Variants in PTPRD observed in about 807,000 individuals in gnomAD.
PTPRD encodes the protein protein tyrosine phosphatase receptor type D, also known as receptor-type tyrosine-protein phosphatase delta.
Under a neutral mutation model 214.5 loss-of-function variants are expected in PTPRD, and 34 were observed. That is an observed-to-expected ratio of 0.16 (90% confidence interval 0.12 to 0.21). The LOEUF is 0.21. Among genes scored for constraint, PTPRD ranks in the 10% least tolerant of loss-of-function variants. The pLI, the probability that PTPRD is intolerant of heterozygous loss-of-function variation, is 1.00. For missense variants in PTPRD, 2,545 were observed against 2,398.7 expected (o/e 1.06, Z -1.27); for synonymous variants, 1,128 against 845.7 (o/e 1.33, Z -5.79).
At position 8,465,467 on chromosome 9, in the gene PTPRD, G is replaced by A; in HGVS notation, c.3713C>T (p.Ser1238Phe). The A allele has an allele frequency of 6.2e-7, 1 of 1,611,250 alleles. No homozygotes were observed. Among genetic ancestry groups the A allele is most frequent in the Non-Finnish European group, 8.5e-7 (1 of 1,178,090 alleles). ...FVLAVMEHAE[S>F]KMYATSPYSD... ...CAGATGCCATCATAATTAACTTACA[G>A]ACTCTGCATGTTCCATTACTGCTAA... is the stretch of plus-strand genomic sequence containing the variant. The change falls in exon 32 of 46, where the codon TCT (serine) becomes TTT (phenylalanine). Residue 1238 changes from serine (S) to phenylalanine (F), a missense_variant and splice_region_variant. Transcript: ENST00000381196.
chr9:9,177,738 AAATCAGCTT>A (rs2099925778), intron 10 of PTPRD, among the ~76,000 whole-genome samples: 2 of 152,158 alleles, frequency 1.3e-5, no homozygotes, highest in African/African-American at 4.8e-5. Flanking sequence ...ATCAATTTAA[AAATCAGCTT>A]AAGAGGCCGC....
chr9:8,388,473 G>T (rs1313026703), intron 37 of PTPRD, among the ~76,000 whole-genome samples: 1 of 152,086 alleles, frequency 6.6e-6, no homozygotes, highest in Non-Finnish European at 1.5e-5. Flanking sequence ...AAGGTTAAAG[G>T]TTGATTTTCT....
chr9:10,409,266 T>C (rs2098409673), intron 2 of PTPRD, among the ~76,000 whole-genome samples: 2 of 151,750 alleles, frequency 1.3e-5, no homozygotes, highest in African/African-American at 4.8e-5. Context: ...TAGAAAACTC[T>C]CCTGATAAAT....
At chr9:10,421,071 T>C (rs1178882197) in intron 2 of PTPRD, among the ~76,000 whole-genome samples, 1 of 151,784 alleles carries the variant, frequency 6.6e-6, no homozygotes, top group Non-Finnish European at 1.5e-5. Flanking sequence ...CTGATTAGCT[T>C]AAAAAAAGAA....
intron 12 of PTPRD, among the ~76,000 whole-genome samples, chr9:8,669,137 G>C (rs545096241): frequency 4.6e-5 from 7 of 152,232 alleles, no homozygotes; most frequent in African/African-American, 1.2e-4. Flanking sequence ...CAGAAGATTA[G>C]GGATGCATGT....
rs534237160 is a variant in PTPRD at position 9,114,303 on chromosome 9, A to G, written c.-143+69001T>C. Among the ~76,000 whole-genome samples the G allele has an allele frequency of 4.7e-4, 72 of 152,144 alleles. 1 individual carries two copies. Among genetic ancestry groups the G allele is most frequent in the Non-Finnish European group, 8.8e-4 (60 of 68,012 alleles). ...TATGTCTGTGTATGTATCCTGTTAT[A>G]TCTCCATAATGAAACAATGAATGTG... On this transcript the variant is annotated intron_variant, in intron 10 of 45. Coordinates refer to ENST00000381196, the MANE Select transcript of PTPRD (RefSeq NM_002839.4).
At chr9:9,302,604 T>TC (rs1014855312) in intron 9 of PTPRD, among the ~76,000 whole-genome samples, 15 of 118,766 alleles carry the variant, frequency 1.3e-4, no homozygotes, top group Admixed American at 8.1e-5. Context: ...TTTTTTTCTT[T>TC]TTTTTTTTTT....
chr9:9,569,578 T>C (rs2085710956), intron 8 of PTPRD, among the ~76,000 whole-genome samples: 2 of 151,662 alleles, frequency 1.3e-5, no homozygotes, highest in Admixed American at 6.6e-5. Flanking sequence ...CACTTCGTTA[T>C]CAACAAGTCA....
At chr9:10,276,353 G>C (rs1487378241) in intron 3 of PTPRD, among the ~76,000 whole-genome samples, 1 of 152,082 alleles carries the variant, frequency 6.6e-6, no homozygotes, top group Non-Finnish European at 1.5e-5. Flanking sequence ...TTGCCCCCAA[G>C]GACAATGCAA....
At chr9:9,417,620 A>G (rs2077380278) in intron 8 of PTPRD, among the ~76,000 whole-genome samples, 1 of 152,116 alleles carries the variant, frequency 6.6e-6, no homozygotes, top group Non-Finnish European at 1.5e-5. Context: ...GAGTTAAAAA[A>G]TTATAGTCAC....
chr9:9,054,233 A>C (rs753896766), intron 10 of PTPRD, among the ~76,000 whole-genome samples: 1 of 152,174 alleles, frequency 6.6e-6, no homozygotes, highest in Admixed American at 6.5e-5. Context: ...CAGAATAGTT[A>C]AATCACATTC....
intron 3 of PTPRD, among the ~76,000 whole-genome samples, chr9:10,172,969 A>G (rs944547126): frequency 3.9e-5 from 6 of 152,216 alleles, no homozygotes; most frequent in African/African-American, 1.2e-4. Context: ...ACAAGGTTCT[A>G]TTGTCACATA....
At chr9:8,479,035 G>A (rs2096826605) in intron 30 of PTPRD, among the ~76,000 whole-genome samples, 1 of 152,126 alleles carries the variant, frequency 6.6e-6, no homozygotes. Flanking sequence ...CACCGTTCTG[G>A]AATGAGTTCT....
At chr9:8,580,025 A>G (rs1286030481) in intron 14 of PTPRD, among the ~76,000 whole-genome samples, 2 of 152,238 alleles carry the variant, frequency 1.3e-5, no homozygotes, top group Middle Eastern at 3.2e-3. Flanking sequence ...AGGGATTACA[A>G]GTTTCCAGTC....
At chr9:10,529,965 A>T (rs1341126334) in intron 2 of PTPRD, among the ~76,000 whole-genome samples, 2 of 151,582 alleles carry the variant, frequency 1.3e-5, no homozygotes, top group Non-Finnish European at 2.9e-5. Flanking sequence ...GTGGTACTTA[A>T]GACCTAGACG....
chr9:9,311,091 C>G (rs1367240982), intron 9 of PTPRD, among the ~76,000 whole-genome samples: 1 of 151,924 alleles, frequency 6.6e-6, no homozygotes, highest in Admixed American at 6.6e-5. Context: ...CAAGTTTGTA[C>G]AGGGCAAAAT....
chr9:9,079,974 C>A (rs925354555), intron 10 of PTPRD, among the ~76,000 whole-genome samples: 1 of 151,952 alleles, frequency 6.6e-6, no homozygotes, highest in Non-Finnish European at 1.5e-5. Flanking sequence ...ATGAAGCTAC[C>A]AATACAATAT....
chr9:8,916,771 G>A (rs1192544578), intron 11 of PTPRD, among the ~76,000 whole-genome samples: 1 of 152,156 alleles, frequency 6.6e-6, no homozygotes. Context: ...CACAACTCAT[G>A]ACTTTACATT....
intron 8 of PTPRD, among the ~76,000 whole-genome samples, chr9:9,412,077 C>T (rs1024626440): frequency 6.6e-6 from 1 of 152,094 alleles, no homozygotes; most frequent in Non-Finnish European, 1.5e-5. Context: ...TAGAAAAAAG[C>T]GATTATACAG....
Sources: allele counts gnomAD v4.1 joint callset (sites outside exome capture counted in the v4.1 genomes callset), GRCh38; gene constraint gnomAD v4.1.1; transcripts MANE v1.5; gene names NCBI Gene and HGNC (gene_info 2026-07-23, HGNC 2026-07-21).